Variants in KCTD8 observed in about 807,000 individuals in gnomAD.
The protein encoded by KCTD8 is potassium channel tetramerization domain containing 8.
KCTD8 carries 27 observed loss-of-function variants against 31.5 expected under a neutral mutation model. That is an observed-to-expected ratio of 0.86 (90% CI 0.63 to 1.18). The LOEUF (loss-of-function observed/expected upper bound fraction) is 1.18. KCTD8 is among the 50% of genes most tolerant of loss of function. KCTD8 has a pLI of 0.00. For synonymous variants in KCTD8, 290 were observed against 280.0 expected (o/e 1.04, Z -0.36); for missense variants, 658 against 647.7 (o/e 1.02, Z -0.17).
chr4:44,299,608 T>C (rs993473009), intron 1 of KCTD8, among the ~76,000 whole-genome samples: 1 of 151,750 alleles, frequency 6.6e-6, no homozygotes, highest in African/African-American at 2.4e-5. Context: ...AGTGCCTGTA[T>C]TCTCAGCTAC....
At chr4:44,200,068 A>G (rs1460487140) in intron 1 of KCTD8, among the ~76,000 whole-genome samples, 1 of 151,998 alleles carries the variant, frequency 6.6e-6, no homozygotes, top group Non-Finnish European at 1.5e-5. Flanking sequence ...AAATAGACAA[A>G]TTCCTGGAAA....
At position 44,175,281 on chromosome 4, in the gene KCTD8, T is replaced by C. The variant is rs760937112; in HGVS notation, c.962-31A>G. The C allele has an allele frequency of 1.5e-5, 19 of 1,310,328 alleles. No individual in the cohort carries two copies. The East Asian group carries it at 3.7e-4, about 26-fold the overall frequency. The allele number at this position is 1,310,328 out of a possible 1,614,324, so 81.2% of individuals were successfully genotyped here. ...AAGGAGGAAAAAAAAAGAAGAAGAG[T>C]AGAACAGTTGAATAAGAAGTGTGAA... On this transcript the variant is annotated intron_variant, in intron 1 of 1. Transcript: ENST00000360029.
intron 1 of KCTD8, among the ~76,000 whole-genome samples, chr4:44,221,592 A>C (rs531225263): frequency 6.6e-6 from 1 of 152,198 alleles, no homozygotes; most frequent in Non-Finnish European, 1.5e-5. Flanking sequence ...TGCAGCCTTC[A>C]GTCTGTGGCA....
chr4:44,438,081 G>A (rs1259186885), intron 1 of KCTD8, among the ~76,000 whole-genome samples: 1 of 152,104 alleles, frequency 6.6e-6, no homozygotes, highest in Non-Finnish European at 1.5e-5. Flanking sequence ...CATGCTAGGT[G>A]CAGACTCACC....
At chr4:44,204,388 T>C (rs146974574) in intron 1 of KCTD8, among the ~76,000 whole-genome samples, 4,874 of 152,222 alleles carry the variant, frequency 0.032, 261 homozygotes, top group African/African-American at 0.11. Context: ...CGACCCCTGA[T>C]CTAATCGGTT....
intron 1 of KCTD8, among the ~76,000 whole-genome samples, chr4:44,444,102 A>C (rs1375202132): frequency 6.6e-6 from 1 of 152,174 alleles, no homozygotes; most frequent in Non-Finnish European, 1.5e-5. Flanking sequence ...TCATGTAGCC[A>C]AATAAAGCTG....
intron 1 of KCTD8, among the ~76,000 whole-genome samples, chr4:44,340,465 A>C: frequency 7.3e-6 from 1 of 137,646 alleles, no homozygotes; most frequent in African/African-American, 2.7e-5. Flanking sequence ...TGCCTGGCTA[A>C]TTTTTTTTTT....
At chr4:44,320,791 T>C (rs1477957786) in intron 1 of KCTD8, among the ~76,000 whole-genome samples, 1 of 134,900 alleles carries the variant, frequency 7.4e-6, no homozygotes, top group Admixed American at 7.7e-5. Context: ...CAGAGTGAAA[T>C]GGAAAAATCC....
chr4:44,350,170 T>C (rs1719160535), intron 1 of KCTD8, among the ~76,000 whole-genome samples: 1 of 152,202 alleles, frequency 6.6e-6, no homozygotes, highest in South Asian at 2.1e-4. Flanking sequence ...TTTCCATCTA[T>C]TAAATATGTC....
At chr4:44,398,790 T>C (rs1720574154) in intron 1 of KCTD8, among the ~76,000 whole-genome samples, 1 of 152,188 alleles carries the variant, frequency 6.6e-6, no homozygotes, top group East Asian at 1.9e-4. Context: ...ATACCCCACA[T>C]GGAAGAAACA....
intron 1 of KCTD8, among the ~76,000 whole-genome samples, chr4:44,410,155 T>C (rs1431824975): frequency 2.6e-5 from 4 of 152,170 alleles, no homozygotes; most frequent in African/African-American, 9.7e-5. Flanking sequence ...GACATAAGGC[T>C]ATAAAACAGC....
intron 1 of KCTD8, among the ~76,000 whole-genome samples, chr4:44,271,350 A>C (rs1716593037): frequency 6.6e-6 from 1 of 152,112 alleles, no homozygotes; most frequent in African/African-American, 2.4e-5. Context: ...CAGATAATTA[A>C]TTTGCTAATA....
chr4:44,244,236 T>A (rs1715587680), intron 1 of KCTD8, among the ~76,000 whole-genome samples: 1 of 152,214 alleles, frequency 6.6e-6, no homozygotes, highest in African/African-American at 2.4e-5. Flanking sequence ...TCTTCCTTTT[T>A]TTCTTTTTCT....
chr4:44,179,530 T>C (rs1021947903), intron 1 of KCTD8, among the ~76,000 whole-genome samples: 2 of 149,318 alleles, frequency 1.3e-5, no homozygotes, highest in Non-Finnish European at 3.0e-5. Flanking sequence ...TATATATATA[T>C]ATATTCATGT....
intron 1 of KCTD8, among the ~76,000 whole-genome samples, chr4:44,177,113 A>G (rs1387133554): frequency 6.6e-6 from 1 of 152,130 alleles, no homozygotes. Context: ...GGTAGGGTGG[A>G]GAAAATGCAC....
chr4:44,273,498 A>T (rs1716669762), intron 1 of KCTD8, among the ~76,000 whole-genome samples: 1 of 151,958 alleles, frequency 6.6e-6, no homozygotes, highest in Non-Finnish European at 1.5e-5. Context: ...TAGAAGTCTT[A>T]TAAAAGGTTG....
intron 1 of KCTD8, among the ~76,000 whole-genome samples, chr4:44,324,078 A>C (rs1371394100): frequency 2.2e-4 from 33 of 147,526 alleles, no homozygotes; most frequent in Middle Eastern, 3.5e-3. Context: ...CAAAACAAAA[A>C]AAAAAGGAAA....
At position 44,363,675 on chromosome 4, in the gene KCTD8, T is replaced by C. The variant is rs571069820; in HGVS notation, c.961+83888A>G. Among the ~76,000 whole-genome samples the C allele has an allele frequency of 3.9e-5, 6 of 152,244 alleles. No homozygotes were observed. In the South Asian group the frequency reaches 1.2e-3, roughly 32 times the overall value. Reference sequence around the variant, plus strand: ...GAAGTGTTGCTGCCAGGGATCTCTATCCTAGACAAAAGACTCCTGGTATAC... The same window carrying C: ...GAAGTGTTGCTGCCAGGGATCTCTACCCTAGACAAAAGACTCCTGGTATAC... On this transcript the variant is annotated intron_variant, in intron 1 of 1. Transcript: ENST00000360029.
chr4:44,272,634 A>G (rs893331837), intron 1 of KCTD8, among the ~76,000 whole-genome samples: 1 of 152,096 alleles, frequency 6.6e-6, no homozygotes, highest in African/African-American at 2.4e-5. Context: ...GTGCATGTAG[A>G]TTGTATTAAT....
Sources: gnomAD v4.1 joint callset for allele counts (sites outside exome capture counted in the v4.1 genomes callset) on GRCh38, gnomAD v4.1.1 for gene constraint, MANE v1.5 for transcripts, NCBI Gene and HGNC (gene_info 2026-07-23, HGNC 2026-07-21) for gene names.